Variants in SARDH observed in about 807,000 individuals in gnomAD.
SARDH encodes sarcosine dehydrogenase, also known as sarcosine dehydrogenase, mitochondrial.
A neutral mutation model predicts 109.1 loss-of-function variants in SARDH; 95 were observed. The ratio of observed to expected loss-of-function variants is 0.87; its 90% CI spans 0.74 to 1.03. SARDH has a LOEUF of 1.03. SARDH is among the 50% of genes least tolerant of loss of function. The pLI is 0.00. For synonymous variants in SARDH, 572 were observed against 534.8 expected (o/e 1.07, Z -0.96); for missense variants, 1,267 against 1,287.8 (o/e 0.98, Z 0.25).
chr9:133,738,839 GGGTC>G (rs1832969758), upstream of SARDH, among the ~76,000 whole-genome samples: 1 of 152,180 alleles, frequency 6.6e-6, no homozygotes, highest in South Asian at 2.1e-4. Context: ...GAGAAGGCCT[GGGTC>G]AGCTTCCCAG....
In SARDH at chr9:133,729,819, C is replaced by A. The variant is rs774569469; in HGVS notation, c.861G>T (p.Pro287=). 11 of 1,612,450 alleles carry A rather than the reference C, an allele frequency of 6.8e-6. No homozygotes were observed. The South Asian group carries it at 1.2e-4, about 18-fold the overall frequency. ...CATAGGCATGGTGCATGGCCACCAG[C>A]GGGACCTTGACTCCAGCCATCCGGC... is the stretch of plus-strand genomic sequence containing the variant. The part of the protein sequence containing the change: ...AVGRMAGVKV[P]LVAMHHAYVV... Residue 287 remains proline, a synonymous_variant, in exon 6 of 21, where the codon CCG becomes CCT. Transcript: ENST00000439388.
Position 133,704,851 on chromosome 9 carries a change from C to T in SARDH, c.1554+97G>A, listed in dbSNP as rs1588426219. 1.7e-5 allele frequency: 17 copies of T among 1,014,098 alleles called. No individual in the cohort carries two copies. Among genetic ancestry groups the T allele is most frequent in the Middle Eastern group, 3.0e-4 (1 of 3,370 alleles). 62.8% of individuals were successfully genotyped at this position (1,014,098 alleles called of 1,614,324 possible). On this transcript the variant is annotated intron_variant, in intron 12 of 20. Coordinates refer to ENST00000439388, the MANE Select transcript of SARDH (RefSeq NM_001134707.2). The surrounding 1 kb of genome is among the most constrained non-coding windows in gnomAD (Gnocchi z 4.5). Reference sequence around the variant, plus strand: ...ACGACAGTGGAACCACCTGGGGAGGCGGGGCACACGGAGGGGCAAGGACGG... The same window carrying T: ...ACGACAGTGGAACCACCTGGGGAGGTGGGGCACACGGAGGGGCAAGGACGG...
At chr9:133,670,493 CA>C (rs1478581014) in intron 19 of SARDH, 90 bp downstream of exon 19, 1 of 1,376,898 alleles carries the variant, frequency 7.3e-7, no homozygotes. Flanking sequence ...GTGTTGGTAC[CA>C]GGGGCTTTGA....
At chr9:133,671,258 G>A (rs1408905527) in intron 18 of SARDH, among the ~76,000 whole-genome samples, 1 of 152,108 alleles carries the variant, frequency 6.6e-6, no homozygotes, top group Non-Finnish European at 1.5e-5. Flanking sequence ...CAGGTGTCAG[G>A]CAGCACCTCA....
chr9:133,681,353 T>C (rs1830689538), intron 17 of SARDH, among the ~76,000 whole-genome samples: 1 of 152,202 alleles, frequency 6.6e-6, no homozygotes, highest in African/African-American at 2.4e-5. Context: ...ACTCGGGGCC[T>C]TGCCCCACCC....
rs1830394954 is a variant in SARDH, at chr9:133,672,829, G to A, written c.2164-1132C>T. On this transcript the variant is annotated intron_variant, in intron 17 of 20. Transcript: ENST00000439388. ...ATTGCCGTCGCAGACGGGCCTTCCA[G>A]GTGAGGTGCAAAGGCCCAGCGTTGG... Among the ~76,000 whole-genome samples, 4 of 152,366 alleles carry A rather than the reference G, an allele frequency of 2.6e-5. No individual in the cohort carries two copies. The South Asian group carries it at 8.3e-4, about 32-fold the overall frequency.
intron 13 of SARDH, among the ~76,000 whole-genome samples, chr9:133,700,541 T>C (rs1258950991): frequency 1.3e-5 from 2 of 152,082 alleles, no homozygotes; most frequent in Non-Finnish European, 2.9e-5. Flanking sequence ...TGCCCTGGGC[T>C]GGGGATAGGG....
At chr9:133,737,281 A>T (rs1832915818) in intron 1 of SARDH, among the ~76,000 whole-genome samples, 1 of 152,116 alleles carries the variant, frequency 6.6e-6, no homozygotes, top group Admixed American at 6.5e-5. Flanking sequence ...CAAGGGAGGG[A>T]GCAGGGAGTC....
At chr9:133,700,729 ACG>A (rs1831452490) in intron 13 of SARDH, among the ~76,000 whole-genome samples, 11 of 127,424 alleles carry the variant, frequency 8.6e-5, no homozygotes, top group East Asian at 2.4e-4. Flanking sequence ...ACACACACAC[ACG>A]CACGCGCACA....
intron 17 of SARDH, among the ~76,000 whole-genome samples, chr9:133,672,231 CTCTG>C (rs1830376295): frequency 6.6e-6 from 1 of 152,218 alleles, no homozygotes; most frequent in East Asian, 1.9e-4. Flanking sequence ...CCCTTTGTGT[CTCTG>C]TCTTCTAAGG....
At chr9:133,675,547 G>C (rs1830487022) in intron 17 of SARDH, among the ~76,000 whole-genome samples, 1 of 152,212 alleles carries the variant, frequency 6.6e-6, no homozygotes, top group Non-Finnish European at 1.5e-5. Context: ...GAGTGTTGGT[G>C]AGGATGTGGA....
upstream of SARDH, among the ~76,000 whole-genome samples, chr9:133,739,438 C>T (rs1481380937): frequency 6.6e-6 from 1 of 152,224 alleles, no homozygotes; most frequent in Non-Finnish European, 1.5e-5. Flanking sequence ...CCTATAGTGA[C>T]ATCTAAGACC....
chr9:133,717,590 C>T (rs1832173604), intron 7 of SARDH, 135 bp from the exon 8 acceptor site: 2 of 1,301,272 alleles, frequency 1.5e-6, no homozygotes, highest in Non-Finnish European at 2.1e-6. Flanking sequence ...TGGTCACCCA[C>T]ACGTCCCAGC....
At chr9:133,662,482 G>A (rs3025440), downstream of SARDH, among the ~76,000 whole-genome samples, 4 of 152,184 alleles carry the variant, frequency 2.6e-5, no homozygotes, top group Non-Finnish European at 5.9e-5. The surrounding 1 kb of genome is among the most constrained non-coding windows in gnomAD (Gnocchi z 5.1). Flanking sequence ...GTGAGCAAGG[G>A]GAGGCTGCAG....
At position 133,712,514 on chromosome 9, in the gene SARDH, A is replaced by T; in HGVS notation, c.1328+105T>A. ...TCACTGCTGCCCCTTCCAGGAAGCC[A>T]CCTGGATTTCAGGCAAGGCTCCTTT... On this transcript the variant is annotated intron_variant, in intron 10 of 20. Coordinates refer to ENST00000439388, the MANE Select transcript of SARDH (RefSeq NM_001134707.2). The surrounding 1 kb of genome is among the most constrained non-coding windows in gnomAD (Gnocchi z 4.1). 1 of 1,022,664 alleles carries T rather than the reference A, an allele frequency of 9.8e-7. No individual in the cohort carries two copies. Among genetic ancestry groups the T allele is most frequent in the Non-Finnish European group, 1.5e-6 (1 of 681,380 alleles). The allele number at this position is 1,022,664 out of a possible 1,614,324, so 63.3% of individuals were successfully genotyped here. A position where few individuals can be genotyped will look rare whatever the true frequency, so the allele number is the denominator to read the frequency against.
rs1015997737 is a variant in SARDH at position 133,692,177 on chromosome 9, G to A, written c.1922-1650C>T. Among the ~76,000 whole-genome samples the A allele has an allele frequency of 1.2e-4, 18 of 152,194 alleles. No individual in the cohort carries two copies. Among genetic ancestry groups the A allele is most frequent in the Middle Eastern group, 3.4e-3 (1 of 294 alleles). On this transcript the variant is annotated intron_variant, in intron 15 of 20. Coordinates refer to ENST00000439388, the MANE Select transcript of SARDH (RefSeq NM_001134707.2). This position sits in a 1 kb window ranked among gnomAD's most constrained non-coding sequence, Gnocchi z 5.0. ...TCTCCATCGCAGCCCCGGGAGGCGC[G>A]TCTTCCTCACTCCATTCCACCAATG...
At chr9:133,663,112 G>A (rs1829939068), downstream of SARDH, among the ~76,000 whole-genome samples, 1 of 152,206 alleles carries the variant, frequency 6.6e-6, no homozygotes, top group African/African-American at 2.4e-5. Flanking sequence ...ACCTAGAAAG[G>A]GGGACTCCAC....
chr9:133,717,554 C>A, intron 7 of SARDH, 99 bp from the exon 8 acceptor site: 3 of 1,520,058 alleles, frequency 2.0e-6, no homozygotes, highest in East Asian at 2.4e-5. Flanking sequence ...CCAGCCTCTG[C>A]TGAATCAGAT....
rs190119165 is a variant in SARDH, at chr9:133,703,983, C to T, written c.1555-954G>A. 3.4e-4 allele frequency among the ~76,000 whole-genome samples: 52 copies of T among 152,262 alleles called. 1 individual carries two copies. In the South Asian group the frequency reaches 3.9e-3, roughly 12 times the overall value. ...GGTGTGTTCCTGACTCTCCTCTCCT[C>T]GCCCAGGGACAGGGGAGAGGGGCTT... On this transcript the variant is annotated intron_variant, in intron 12 of 20. Coordinates refer to ENST00000439388, the MANE Select transcript of SARDH (RefSeq NM_001134707.2).
Sources: gnomAD v4.1 joint callset for allele counts (sites outside exome capture counted in the v4.1 genomes callset) on GRCh38, gnomAD v4.1.1 for gene constraint, Gnocchi (gnomAD v3.1) non-coding constraint, MANE v1.5 for transcripts, NCBI Gene and HGNC (gene_info 2026-07-23, HGNC 2026-07-21) for gene names.